The following GBGT1 variants were observed in gnomAD, a reference collection of about 807,000 sequenced individuals.
GBGT1 encodes globoside alpha-1,3-N-acetylgalactosaminyltransferase 1.
In GBGT1, 18 loss-of-function variants were observed where a neutral mutation model predicts 20.9. The observed-to-expected ratio is 0.86, with a 90% CI of 0.60 to 1.28. The LOEUF (loss-of-function observed/expected upper bound fraction) is 1.28. Among genes scored for constraint, GBGT1 ranks in the 50% most tolerant of loss-of-function variants. The pLI, the probability that GBGT1 is intolerant of heterozygous loss-of-function variation, is 0.00. For synonymous variants in GBGT1, 168 were observed against 180.8 expected, an observed-to-expected ratio of 0.93 and a Z score of 0.57; for missense variants, 432 against 455.7, an observed-to-expected ratio of 0.95 and a Z score of 0.47.
chr9:133,154,523 A>G lies in GBGT1; in HGVS notation c.360-262T>C, dbSNP rs1832812583. 2 of 363,254 alleles carry G rather than the reference A, an allele frequency of 5.5e-6. No homozygotes were observed. The highest frequency in any genetic ancestry group is 9.9e-6 in the Non-Finnish European group (2 of 201,986). The allele number at this position is 363,254 out of a possible 1,614,324, so 22.5% of individuals were successfully genotyped here. A position where few individuals can be genotyped will look rare whatever the true frequency, so the allele number is the denominator to read the frequency against. On this transcript the variant is annotated intron_variant, in intron 6 of 6. Transcript: ENST00000372040. This position sits in a 1 kb window ranked among gnomAD's most constrained non-coding sequence, Gnocchi z 4.2. Reference sequence around the variant, plus strand: ...TTTACTGAGCAATTTCTAAGTGCCCAGCGACGTTCTAAGAATTCTTATGAT... The same window carrying G: ...TTTACTGAGCAATTTCTAAGTGCCCGGCGACGTTCTAAGAATTCTTATGAT...
At chr9:133,156,863 C>T (rs1430332675) in intron 3 of GBGT1, among the ~76,000 whole-genome samples, 3 of 152,108 alleles carry the variant, frequency 2.0e-5, no homozygotes, top group East Asian at 1.9e-4. Context: ...CTTACTATGT[C>T]GCCCAGGCTG....
At position 133,155,496 on chromosome 9, in the gene GBGT1, G is replaced by A. The variant is rs12336774; in HGVS notation, c.225-184C>T. ...CCCAGCAGGGTTGGGAGTACCAGGAGTTAACGCACACCAAGGAGAAGCCTG... is the reference window on the plus strand; with the variant it reads ...CCCAGCAGGGTTGGGAGTACCAGGAATTAACGCACACCAAGGAGAAGCCTG... On this transcript the variant is annotated intron_variant, in intron 5 of 6. Transcript: ENST00000372040. The A allele has an allele frequency of 8.9e-3, 5,841 of 657,056 alleles. 251 individuals carry two copies. The African/African-American group carries it at 0.094, about 11-fold the overall frequency. 40.7% of individuals were successfully genotyped at this position (657,056 alleles called of 1,614,324 possible). A position where few individuals can be genotyped will look rare whatever the true frequency, so the allele number is the denominator to read the frequency against.
In GBGT1 at chr9:133,154,680, G is replaced by C. The variant is rs190991234; in HGVS notation, c.360-419C>G. The C allele has an allele frequency of 4.5e-5, 8 of 177,936 alleles. No individual in the cohort carries two copies. Among genetic ancestry groups the C allele is most frequent in the Admixed American group, 4.0e-4 (7 of 17,586 alleles). 11.0% of individuals were successfully genotyped at this position (177,936 alleles called of 1,614,324 possible). A position where few individuals can be genotyped will look rare whatever the true frequency, so the allele number is the denominator to read the frequency against. On this transcript the variant is annotated intron_variant, in intron 6 of 6. Transcript: ENST00000372040. The surrounding 1 kb of genome is among the most constrained non-coding windows in gnomAD (Gnocchi z 4.2). ...TGAGCTAGATGCTGGGGGCATGGAGGGGGGTGTGGTTGACACAGCCCTGCC... is the reference window on the plus strand; with the variant it reads ...TGAGCTAGATGCTGGGGGCATGGAGCGGGGTGTGGTTGACACAGCCCTGCC...
chr9:133,154,410 C>T lies in GBGT1; in HGVS notation c.360-149G>A, dbSNP rs1407090458. 1.4e-5 allele frequency: 7 copies of T among 489,208 alleles called. No individual in the cohort carries two copies. The highest frequency in any genetic ancestry group is 1.4e-4 in the African/African-American group (7 of 51,826). The allele number at this position is 489,208 out of a possible 1,614,324, so 30.3% of individuals were successfully genotyped here. ...CTGGCCCTCTGGGTCCTCATTTGTCCAATTCCCAAAATGCTAGTACCAGCC... is the reference window on the plus strand; with the variant it reads ...CTGGCCCTCTGGGTCCTCATTTGTCTAATTCCCAAAATGCTAGTACCAGCC... On this transcript the variant is annotated intron_variant, in intron 6 of 6. Coordinates refer to ENST00000372040, the MANE Select transcript of GBGT1 (RefSeq NM_021996.6). This position sits in a 1 kb window ranked among gnomAD's most constrained non-coding sequence, Gnocchi z 4.2.
At chr9:133,155,982 C>G in intron 4 of GBGT1, 33 bp downstream of exon 4, 9 of 1,613,758 alleles carry the variant, frequency 5.6e-6, no homozygotes, top group Non-Finnish European at 7.6e-6. Flanking sequence ...ACCACCCTCA[C>G]GGCCACAAAA....
chr9:133,153,517 TGAA>T lies in GBGT1; in HGVS notation c.*57_*59del. The T allele has an allele frequency of 7.9e-7, 1 of 1,269,112 alleles. No homozygotes were observed. Among genetic ancestry groups the T allele is most frequent in the Non-Finnish European group, 1.1e-6 (1 of 910,908 alleles). 78.6% of individuals were successfully genotyped at this position (1,269,112 alleles called of 1,614,324 possible). ...GGGACAGGGCTGGTCTGCACGCTAG[TGAA>T]GCACTGGTGGCTGCAGGTCTTTGGG... On this transcript the variant is annotated 3_prime_UTR_variant, in exon 7 of 7. Transcript: ENST00000372040.
rs568784331 is a variant in GBGT1, at chr9:133,162,395, C to A, written c.18G>T (p.Leu6=). The A allele has an allele frequency of 1.9e-6, 3 of 1,608,874 alleles. No homozygotes were observed. Among genetic ancestry groups the A allele is most frequent in the Non-Finnish European group, 2.5e-6 (3 of 1,178,714 alleles). Residue 6 remains leucine (L), a synonymous_variant, in exon 2 of 7, where the codon CTG becomes CTT. Transcript: ENST00000372040. Reference sequence around the variant, plus strand: ...ACAGGCAGAACCCCAGACCCAGGGCCAGTCTCCGGCGATGCATTGCTGGGG... The same window carrying A: ...ACAGGCAGAACCCCAGACCCAGGGCAAGTCTCCGGCGATGCATTGCTGGGG... The part of the protein sequence containing the change: MHRRR[L]ALGLGFCLLA...
Position 133,153,480 on chromosome 9 carries a change from T to C in GBGT1, c.*97A>G, listed in dbSNP as rs1005872210. 3 of 870,676 alleles carry C rather than the reference T, an allele frequency of 3.4e-6. No homozygotes were observed. The highest frequency in any genetic ancestry group is 3.4e-5 in the African/African-American group (2 of 59,042). 53.9% of individuals were successfully genotyped at this position (870,676 alleles called of 1,614,324 possible). On this transcript the variant is annotated 3_prime_UTR_variant, in exon 7 of 7. Coordinates refer to ENST00000372040, the MANE Select transcript of GBGT1 (RefSeq NM_021996.6). ...CCTTTTCCGGTTGAATTCGCCTGAC[T>C]GACAGGGAGGCGGGACAGGGCTGGT...
rs1832822749 is a variant in GBGT1, at chr9:133,154,857, G to A, written c.359+321C>T. 2 of 273,130 alleles carry A rather than the reference G, an allele frequency of 7.3e-6. No homozygotes were observed. The highest frequency in any genetic ancestry group is 1.4e-5 in the Non-Finnish European group (2 of 145,340). 16.9% of individuals were successfully genotyped at this position (273,130 alleles called of 1,614,324 possible). A position where few individuals can be genotyped will look rare whatever the true frequency, so the allele number is the denominator to read the frequency against. On this transcript the variant is annotated intron_variant, in intron 6 of 6. Transcript: ENST00000372040. This position sits in a 1 kb window ranked among gnomAD's most constrained non-coding sequence, Gnocchi z 4.2. The stretch of plus-strand genomic sequence containing the variant: ...AGCGGCAGCTCCTAAAGGAAGGCCA[G>A]GTGGGGTCATGGGAGAGACAAGGGC...
At position 133,162,407 on chromosome 9, in the gene GBGT1, A is replaced by T. The variant is rs1329088656; in HGVS notation, c.6T>A (p.His2Gln). Residue 2 changes from histidine (H) to glutamine (Q), a missense_variant, in exon 2 of 7, where the codon CAT (histidine) becomes CAA (glutamine). By Grantham distance (24) the His-to-Gln change is conservative (BLOSUM62 0). Coordinates refer to ENST00000372040, the MANE Select transcript of GBGT1 (RefSeq NM_021996.6). M[H>Q]RRRLALGLGF... ...CCAGACCCAGGGCCAGTCTCCGGCG[A>T]TGCATTGCTGGGGGCTGCACCTGAG... 5.0e-6 allele frequency: 8 copies of T among 1,605,714 alleles called. No individual in the cohort carries two copies. Among genetic ancestry groups the T allele is most frequent in the Admixed American group, 1.7e-5 (1 of 58,742 alleles).
Position 133,153,675 on chromosome 9 carries a change from G to T in GBGT1, c.946C>A (p.Pro316Thr). Residue 316 changes from proline to threonine, a missense_variant, in exon 7 of 7, where the codon CCC becomes ACC. Physicochemically the swap from Pro to Thr is conservative, Grantham distance 38. Transcript: ENST00000372040. ...TTCCTGTCGTCCCAGAGGTACTCGG[G>T]GGACAGCACCTTGGACGGCTTGTTT... ...ISNKPSKVLS[P>T]EYLWDDRKPQ... is the part of the protein sequence containing the mutation. 6.2e-7 allele frequency: 1 copy of T among 1,613,528 alleles called. No individual in the cohort carries two copies. The highest frequency in any genetic ancestry group is 8.5e-7 in the Non-Finnish European group (1 of 1,179,754).
At chr9:133,161,365 A>T in intron 3 of GBGT1, 102 bp downstream of exon 3, 1 of 642,890 alleles carries the variant, frequency 1.6e-6, no homozygotes, top group Non-Finnish European at 2.7e-6. Context: ...TGAACTTAGG[A>T]ATCAGGAACC....
At chr9:133,161,639 G>A (rs1041103997) in intron 2 of GBGT1, 107 bp from the exon 3 acceptor site, 6 of 708,086 alleles carry the variant, frequency 8.5e-6, no homozygotes, top group South Asian at 5.8e-5. Context: ...CAGTGCATTA[G>A]GAGGCCAGGT....
intron 3 of GBGT1, chr9:133,160,310 T>TAATAAA (rs1554748595): frequency 9.0e-5 from 13 of 144,942 alleles, no homozygotes; most frequent in African/African-American, 3.3e-4. Context: ...ATAATAATAA[T>TAATAAA]AAATAAAATT....
Position 133,154,006 on chromosome 9 carries a change from A to G in GBGT1, c.615T>C (p.Leu205=). ...AHREVDYLFC[L]DVDMVFRNPW... ...GGTTCCGAAACACCATGTCCACATC[A>G]AGGCAGAAGAGGTAGTCCACCTCCC... Residue 205 remains leucine (L), a synonymous_variant, in exon 7 of 7, where the codon CTT becomes CTC. Transcript: ENST00000372040. This position sits in a 1 kb window ranked among gnomAD's most constrained non-coding sequence, Gnocchi z 4.2. 1 of 1,613,880 alleles carries G rather than the reference A, an allele frequency of 6.2e-7. No individual in the cohort carries two copies. Among genetic ancestry groups the G allele is most frequent in the South Asian group, 1.1e-5 (1 of 91,078 alleles).
At chr9:133,155,756 C>T (rs1832852131) in intron 5 of GBGT1, 145 bp downstream of exon 5, 1 of 854,464 alleles carries the variant, frequency 1.2e-6, no homozygotes, top group African/African-American at 1.7e-5. Flanking sequence ...AGGTCCCTGA[C>T]TCCCAGCCCT....
At chr9:133,163,633 C>T (rs1040719645) in intron 1 of GBGT1, 121 bp downstream of exon 1, 4 of 152,684 alleles carry the variant, frequency 2.6e-5, no homozygotes, top group South Asian at 1.9e-4. Flanking sequence ...GGTCGGGACC[C>T]GGGACCCTGG....
At chr9:133,157,414 T>C (rs760406387) in intron 3 of GBGT1, among the ~76,000 whole-genome samples, 1 of 152,242 alleles carries the variant, frequency 6.6e-6, no homozygotes, top group Non-Finnish European at 1.5e-5. Flanking sequence ...GCCATCTGTC[T>C]ACCTTCCTAC....
rs1221651479 is a variant in GBGT1 at position 133,154,222 on chromosome 9, C to T, written c.399G>A (p.Glu133=). 2 of 1,542,700 alleles carry T rather than the reference C, an allele frequency of 1.3e-6. No individual in the cohort carries two copies. Among genetic ancestry groups the T allele is most frequent in the Non-Finnish European group, 1.8e-6 (2 of 1,139,812 alleles). The change falls in exon 7 of 7, where the codon GAG becomes GAA. Residue 133 remains glutamate, a synonymous_variant. Transcript: ENST00000372040. This position sits in a 1 kb window ranked among gnomAD's most constrained non-coding sequence, Gnocchi z 4.2. ...CCCGGTACCCACGCATGAAGAACTC[C>T]TCGGCTGACTCCAGGAAGGACTGGA... ...HFIQSFLESA[E]EFFMRGYRVH... is the part of the protein sequence containing the mutation.
Sources: gnomAD v4.1 joint callset for allele counts (sites outside exome capture counted in the v4.1 genomes callset) on GRCh38, gnomAD v4.1.1 for gene constraint, Gnocchi (gnomAD v3.1) non-coding constraint, MANE v1.5 for transcripts, NCBI Gene and HGNC (gene_info 2026-07-23, HGNC 2026-07-21) for gene names.